LMBR1: variants seen among roughly 807,000 people sequenced by gnomAD.
LMBR1 encodes limb development membrane protein 1.
LMBR1 carries 52 observed loss-of-function variants against 73.9 expected under a neutral mutation model. The ratio of observed to expected loss-of-function variants is 0.70; its 90% confidence interval spans 0.56 to 0.89. LMBR1 has a LOEUF of 0.89. Ranked by LOEUF, LMBR1 falls within the 40% of genes least tolerant of loss-of-function variation. LMBR1 has a pLI of 0.00. For missense variants in LMBR1, 539 were observed against 579.8 expected (o/e 0.93, Z 0.72); for synonymous variants, 215 against 209.4 (o/e 1.03, Z -0.23).
At chr7:156,867,627 TATC>T (rs1280201505) in intron 1 of LMBR1, among the ~76,000 whole-genome samples, 1 of 152,188 alleles carries the variant, frequency 6.6e-6, no homozygotes, top group Non-Finnish European at 1.5e-5. Context: ...ACTTTGAAAA[TATC>T]ATGCTTAAAT....
intron 1 of LMBR1, among the ~76,000 whole-genome samples, chr7:156,843,583 C>T (rs1485648781): frequency 2.0e-5 from 3 of 152,052 alleles, no homozygotes; most frequent in African/African-American, 7.3e-5. Flanking sequence ...CAGTGGCTCC[C>T]GTCTGTAATT....
intron 5 of LMBR1, among the ~76,000 whole-genome samples, chr7:156,768,691 G>C (rs905087047): frequency 3.9e-5 from 6 of 152,188 alleles, no homozygotes; most frequent in Non-Finnish European, 4.4e-5. Flanking sequence ...ATACCAGGTA[G>C]CGCCAGGCAG....
At chr7:156,861,721 T>C (rs1443136551) in intron 1 of LMBR1, among the ~76,000 whole-genome samples, 2 of 152,162 alleles carry the variant, frequency 1.3e-5, no homozygotes, top group Non-Finnish European at 2.9e-5. Flanking sequence ...CCAGATACCC[T>C]AAATCATCTC....
At position 156,679,202 on chromosome 7, in the gene LMBR1, T is replaced by TG. The variant is rs1055585596; in HGVS notation, c.*4875dup. ...TATTTTCGGCTTCGCAAGGTGGTCC[T>TG]GGGGGTGACTGTGGGACGACAAAGA... On this transcript the variant is annotated 3_prime_UTR_variant, in exon 17 of 17. Coordinates refer to ENST00000353442, the MANE Select transcript of LMBR1 (RefSeq NM_022458.4). 6.6e-6 allele frequency: 1 copy of TG among 152,190 alleles called. No individual in the cohort carries two copies. Among genetic ancestry groups the TG allele is most frequent in the African/African-American group, 2.4e-5 (1 of 41,442 alleles). The allele number at this position is 152,190 out of a possible 1,614,324, so 9.4% of individuals were successfully genotyped here. A position where few individuals can be genotyped will look rare whatever the true frequency, so the allele number is the denominator to read the frequency against.
chr7:156,714,969 T>A (rs75059444), intron 15 of LMBR1, among the ~76,000 whole-genome samples: 1 of 146,464 alleles, frequency 6.8e-6, no homozygotes, highest in African/African-American at 2.6e-5. Context: ...TTTTTTTTTT[T>A]GAGACAGAGT....
intron 12 of LMBR1, 68 bp from the exon 13 acceptor site, chr7:156,725,905 G>A: frequency 8.3e-7 from 1 of 1,200,500 alleles, no homozygotes; most frequent in Non-Finnish European, 1.2e-6. Context: ...TAAAACAGCT[G>A]TTTCATAAAA....
rs201194692 is a variant in LMBR1 at position 156,762,153 on chromosome 7, T to G, written c.665A>C (p.Gln222Pro). The stretch of plus-strand genomic sequence containing the variant: ...ACTTACTGTTGGCTTCACTAGCAAC[T>G]GACCCATCACTGTGAACATACGAGA... ...GLSRMFTVMGQLLVKPTILED... is the reference protein window; with the variant it reads ...GLSRMFTVMGPLLVKPTILED... Residue 222 changes from glutamine to proline, a missense_variant, in exon 8 of 17, where the codon CAG (glutamine) becomes CCG (proline). By Grantham distance (76) the Gln-to-Pro change is moderately conservative. Around this residue, in one of 3 missense-constraint regions of LMBR1, gnomAD observed 454 missense variants for 473.4 expected, o/e 0.96. Coordinates refer to ENST00000353442, the MANE Select transcript of LMBR1 (RefSeq NM_022458.4). 1.9e-4 allele frequency: 298 copies of G among 1,607,844 alleles called. No individual in the cohort carries two copies. The highest frequency in any genetic ancestry group is 2.3e-4 in the Non-Finnish European group (272 of 1,174,538).
intron 1 of LMBR1, among the ~76,000 whole-genome samples, chr7:156,837,946 C>A (rs1200066057): frequency 6.6e-6 from 1 of 152,034 alleles, no homozygotes; most frequent in East Asian, 1.9e-4. Context: ...AACACCATGC[C>A]TGGCTAATTC....
chr7:156,811,623 A>G (rs1833117303), intron 4 of LMBR1, among the ~76,000 whole-genome samples: 1 of 151,818 alleles, frequency 6.6e-6, no homozygotes, highest in African/African-American at 2.4e-5. Flanking sequence ...AAAAAAAAGA[A>G]TTGTTTTCAT....
intron 15 of LMBR1, among the ~76,000 whole-genome samples, chr7:156,697,291 C>A (rs561316030): frequency 2.0e-5 from 3 of 152,210 alleles, no homozygotes; most frequent in East Asian, 3.9e-4. Flanking sequence ...GGGAACAGGA[C>A]AAAGGGAAAA....
rs1805265341 is a variant in LMBR1, at chr7:156,682,657, T to C, written c.*1421A>G. 6.6e-6 allele frequency: 1 copy of C among 152,228 alleles called. No individual in the cohort carries two copies. The highest frequency in any genetic ancestry group is 2.4e-5 in the African/African-American group (1 of 41,468). 9.4% of individuals were successfully genotyped at this position (152,228 alleles called of 1,614,324 possible). A position where few individuals can be genotyped will look rare whatever the true frequency, so the allele number is the denominator to read the frequency against. ...TCAACAAAGGTTGTAAATATACAGA[T>C]TAAAGTTTCTTATTATTTTGGTTTA... is the stretch of plus-strand genomic sequence containing the variant. On this transcript the variant is annotated 3_prime_UTR_variant, in exon 17 of 17. Coordinates refer to ENST00000353442, the MANE Select transcript of LMBR1 (RefSeq NM_022458.4).
At chr7:156,672,355 C>T (rs1041725704) in intron 4 of LMBR1, among the ~76,000 whole-genome samples, 11 of 152,138 alleles carry the variant, frequency 7.2e-5, no homozygotes, top group African/African-American at 2.7e-4. Flanking sequence ...AAGAACAGTC[C>T]TGGCCCCAGG....
At chr7:156,824,188 TTAGTATTTTC>T (rs1411858440) in intron 4 of LMBR1, among the ~76,000 whole-genome samples, 2 of 152,190 alleles carry the variant, frequency 1.3e-5, no homozygotes, top group Non-Finnish European at 2.9e-5. Context: ...TTTCTACATT[TTAGTATTTTC>T]TATATTCTGT....
At chr7:156,811,875 G>A (rs58681226) in intron 4 of LMBR1, among the ~76,000 whole-genome samples, 16,622 of 152,162 alleles carry the variant, frequency 0.11, 1,170 homozygotes, top group East Asian at 0.29. Context: ...TCCTTCCAAA[G>A]TCTCCAGGGA....
At chr7:156,689,301 G>T (rs1308029487) in intron 15 of LMBR1, among the ~76,000 whole-genome samples, 2 of 152,052 alleles carry the variant, frequency 1.3e-5, no homozygotes, top group Non-Finnish European at 2.9e-5. Context: ...AAACTACAAA[G>T]AATTAGAATA....
chr7:156,823,613 G>C (rs556531302), intron 4 of LMBR1: 3 of 152,328 alleles, frequency 2.0e-5, no homozygotes, highest in African/African-American at 7.2e-5. Flanking sequence ...CAAGTCACTG[G>C]AGGGATAAAT....
In LMBR1 at chr7:156,763,075, T is replaced by C. The variant is rs754874828; in HGVS notation, c.619+33A>G. 4 of 1,098,118 alleles carry C rather than the reference T, an allele frequency of 3.6e-6. No homozygotes were observed. The South Asian group carries it at 4.3e-5, about 12-fold the overall frequency. 68.0% of individuals were successfully genotyped at this position (1,098,118 alleles called of 1,614,324 possible). On this transcript the variant is annotated intron_variant, in intron 7 of 16. Transcript: ENST00000353442. ...TTTCCAGAATAAGGACAACTCTACT[T>C]TTCTCTTAATATCAAGTCTGAAAAA... is the stretch of plus-strand genomic sequence containing the variant.
intron 15 of LMBR1, among the ~76,000 whole-genome samples, chr7:156,695,617 G>C (rs545228594): frequency 3.0e-4 from 45 of 152,136 alleles, no homozygotes; most frequent in African/African-American, 8.4e-4. Flanking sequence ...GCACCAAGGG[G>C]GATGGTGTTA....
intron 1 of LMBR1, among the ~76,000 whole-genome samples, chr7:156,844,544 G>C (rs1465930614): frequency 6.7e-6 from 1 of 149,910 alleles, no homozygotes; most frequent in East Asian, 2.0e-4. Flanking sequence ...CAGGATGAAA[G>C]GAAATTCCTA....
Sources: gnomAD v4.1 joint callset for allele counts (sites outside exome capture counted in the v4.1 genomes callset) on GRCh38, gnomAD v4.1.1 for gene constraint, gnomAD v4.1.1 regional missense constraint, MANE v1.5 for transcripts, NCBI Gene and HGNC (gene_info 2026-07-23, HGNC 2026-07-21) for gene names.